The following FBXL13 variants were observed in gnomAD, a reference collection of about 807,000 sequenced individuals.
FBXL13 encodes the protein F-box and leucine-rich repeat protein 13.
FBXL13 carries 67 observed loss-of-function variants against 83.6 expected under a neutral mutation model. The ratio of observed to expected loss-of-function variants is 0.80; its 90% CI spans 0.66 to 0.98. The LOEUF is 0.98. Among genes scored for constraint, FBXL13 ranks in the 50% least tolerant of loss-of-function variants. The probability of loss-of-function intolerance (pLI) is 0.00; values close to 1 mark genes in which losing one functional copy is unlikely to be tolerated. For missense variants in FBXL13, 822 were observed against 866.5 expected, an observed-to-expected ratio of 0.95 and a Z score of 0.64; for synonymous variants, 272 against 299.5, an observed-to-expected ratio of 0.91 and a Z score of 0.95.
intron 9 of FBXL13, among the ~76,000 whole-genome samples, chr7:102,928,089 T>C (rs2129472362): frequency 6.6e-6 from 1 of 152,332 alleles, no homozygotes; most frequent in South Asian, 2.1e-4. Flanking sequence ...ACTTTCTGTT[T>C]GAGATGAGGA....
At chr7:102,940,216 T>A (rs915764715) in intron 8 of FBXL13, among the ~76,000 whole-genome samples, 5 of 140,880 alleles carry the variant, frequency 3.5e-5, no homozygotes, top group Non-Finnish European at 6.1e-5. Flanking sequence ...TTTTTTTGTT[T>A]GTTTTTTTTT....
intron 6 of FBXL13, chr7:102,973,123 T>C (rs1233551549): frequency 1.2e-5 from 2 of 173,728 alleles, no homozygotes; most frequent in South Asian, 1.2e-4. Context: ...TTCACTTCTA[T>C]GTGAAATTTT....
chr7:102,854,814 A>T (rs1805792963), exon 17 of FBXL13: 1 of 1,592,572 alleles, frequency 6.3e-7, no homozygotes, highest in Admixed American at 1.7e-5. Context: ...ACATTCAGAT[A>T]CAGAAAGTTC....
In FBXL13 at chr7:103,029,350, C is replaced by A. The variant is rs1179152774; in HGVS notation, c.68+1G>T. 1 of 1,536,880 alleles carries A rather than the reference C, an allele frequency of 6.5e-7. No individual in the cohort carries two copies. Among genetic ancestry groups the A allele is most frequent in the Admixed American group, 2.0e-5 (1 of 49,450 alleles). On this transcript the variant is annotated splice_donor_variant, in intron 3 of 19. Transcript: ENST00000313221. LOFTEE classifies it high-confidence loss of function. ...AGAAATTGTAAAAATCACATTCTTA[C>A]CAAAAATGAGTCTTTACTAAATGTC... is the stretch of plus-strand genomic sequence containing the variant.
intron 8 of FBXL13, among the ~76,000 whole-genome samples, chr7:102,952,122 A>G (rs977852604): frequency 6.6e-6 from 1 of 152,186 alleles, no homozygotes; most frequent in African/African-American, 2.4e-5. Flanking sequence ...TTCCACTTAT[A>G]TGCGGCACCT....
chr7:102,860,912 C>G (rs572974800), intron 16 of FBXL13, among the ~76,000 whole-genome samples: 5 of 151,856 alleles, frequency 3.3e-5, no homozygotes, highest in African/African-American at 1.2e-4. Flanking sequence ...TGTATATGAA[C>G]ATACATATTT....
chr7:102,837,886 G>A (rs1379862334), intron 17 of FBXL13, among the ~76,000 whole-genome samples: 1 of 152,220 alleles, frequency 6.6e-6, no homozygotes, highest in East Asian at 1.9e-4. Flanking sequence ...TCATGTAAGT[G>A]TCTTATCTTC....
intron 18 of FBXL13, 70 bp downstream of exon 19, chr7:102,832,770 A>T: frequency 6.3e-7 from 1 of 1,581,516 alleles, no homozygotes; most frequent in African/African-American, 1.3e-5. Flanking sequence ...TCCAGCCCTG[A>T]TCGCTGTCCT....
chr7:102,881,822 C>T (rs959459157), intron 14 of FBXL13, among the ~76,000 whole-genome samples: 3 of 152,074 alleles, frequency 2.0e-5, no homozygotes, highest in Non-Finnish European at 2.9e-5. Context: ...TGGCTGTTGG[C>T]GGGAGGCTTT....
In FBXL13 at chr7:103,014,856, G is replaced by A. The variant is rs535287110; in HGVS notation, c.495+10207C>T. On this transcript the variant is annotated intron_variant, in intron 6 of 19. Coordinates refer to ENST00000313221, the Ensembl canonical transcript of FBXL13. ...GAGAATGGCATGAACCCCGGGGGGC[G>A]GAGCCTGCAGTGAGCCGAGATCACG... Among the ~76,000 whole-genome samples the A allele has an allele frequency of 1.9e-3, 281 of 149,244 alleles. 2 individuals are homozygous for A. Among genetic ancestry groups the A allele is most frequent in the Non-Finnish European group, 2.6e-3 (177 of 67,336 alleles).
At chr7:102,933,217 T>C (rs1301757845) in intron 8 of FBXL13, 1 of 152,104 alleles carries the variant, frequency 6.6e-6, no homozygotes, top group Non-Finnish European at 1.5e-5. Flanking sequence ...CAGTGCCATT[T>C]ACTCCAAGCA....
chr7:103,051,971 T>C (rs1796861574), intron 2 of FBXL13, among the ~76,000 whole-genome samples: 1 of 152,196 alleles, frequency 6.6e-6, no homozygotes, highest in African/African-American at 2.4e-5. Context: ...TTGCAGTTCT[T>C]CCACAAGAAC....
At chr7:102,966,498 G>A (rs1825978152) in intron 7 of FBXL13, among the ~76,000 whole-genome samples, 1 of 152,182 alleles carries the variant, frequency 6.6e-6, no homozygotes, top group African/African-American at 2.4e-5. Context: ...ATGGTCTGGA[G>A]GAGAAAGAAT....
At chr7:103,007,171 T>C (rs1585327575) in intron 6 of FBXL13, among the ~76,000 whole-genome samples, 1 of 151,932 alleles carries the variant, frequency 6.6e-6, no homozygotes, top group Non-Finnish European at 1.5e-5. Flanking sequence ...GACAGAAAAA[T>C]AGCTGAGGAA....
At chr7:102,990,897 G>C (rs1446365736) in intron 6 of FBXL13, among the ~76,000 whole-genome samples, 1 of 152,244 alleles carries the variant, frequency 6.6e-6, no homozygotes, top group Non-Finnish European at 1.5e-5. Flanking sequence ...CTGAGAGGTA[G>C]TGGAGGCTAG....
At chr7:102,925,918 G>C (rs1319592235) in intron 10 of FBXL13, among the ~76,000 whole-genome samples, 4 of 149,110 alleles carry the variant, frequency 2.7e-5, no homozygotes, top group Non-Finnish European at 5.9e-5. Flanking sequence ...TGCAGCCTGG[G>C]CGACAGAGCA....
At chr7:103,022,624 C>T (rs117463580) in intron 6 of FBXL13, among the ~76,000 whole-genome samples, 86 of 152,152 alleles carry the variant, frequency 5.7e-4, no homozygotes, top group Non-Finnish European at 6.2e-4. Context: ...TAGCCACACG[C>T]GGAATATTGA....
chr7:103,037,300 A>G (rs1177563040), intron 2 of FBXL13, among the ~76,000 whole-genome samples: 2 of 152,170 alleles, frequency 1.3e-5, no homozygotes, highest in African/African-American at 2.4e-5. Context: ...TTATCAACCA[A>G]CTGATTCTTA....
At chr7:102,847,205 A>C (rs967450852) in intron 17 of FBXL13, among the ~76,000 whole-genome samples, 2 of 151,056 alleles carry the variant, frequency 1.3e-5, no homozygotes, top group South Asian at 2.1e-4. Flanking sequence ...AAAACTTTAC[A>C]GGAAAAAAAA....
Sources: gnomAD v4.1 joint callset for allele counts (sites outside exome capture counted in the v4.1 genomes callset) on GRCh38, gnomAD v4.1.1 for gene constraint, MANE v1.5 for transcripts, NCBI Gene and HGNC (gene_info 2026-07-23, HGNC 2026-07-21) for gene names.